GSAP: variants seen among roughly 807,000 people sequenced by gnomAD.
GSAP encodes gamma-secretase activating protein, also known as gamma-secretase-activating protein.
Under a neutral mutation model 131.7 loss-of-function variants are expected in GSAP, and 118 were observed. The observed-to-expected ratio is 0.90, with a 90% CI of 0.77 to 1.04. GSAP has a LOEUF of 1.04. GSAP is among the 50% of genes least tolerant of loss of function. The probability of loss-of-function intolerance (pLI) is 0.00; values close to 1 mark genes in which losing one functional copy is unlikely to be tolerated. For missense variants in GSAP, 1,019 were observed against 1,013.2 expected, an observed-to-expected ratio of 1.01 and a Z score of -0.08; for synonymous variants, 381 against 363.4, an observed-to-expected ratio of 1.05 and a Z score of -0.55.
At chr7:77,326,306 A>T in intron 22 of GSAP, 33 bp from the exon 23 acceptor site, 1 of 1,472,296 alleles carries the variant, frequency 6.8e-7, no homozygotes, top group Non-Finnish European at 9.5e-7. Flanking sequence ...TTAGGCTCTG[A>T]GCAGTTTTCA....
chr7:77,351,066 C>T lies in GSAP; in HGVS notation c.1492-1662G>A, dbSNP rs553932058. On this transcript the variant is annotated intron_variant, in intron 18 of 30. Transcript: ENST00000257626. ...GATATTTGTCTATAATTTAAATGAC[C>T]GAGATTTTACTGATATAGAATATTC... 3.3e-5 allele frequency: 30 copies of T among 920,300 alleles called. No individual in the cohort carries two copies. In the South Asian group the frequency reaches 1.1e-3, roughly 33 times the overall value. 57.0% of individuals were successfully genotyped at this position (920,300 alleles called of 1,614,324 possible).
chr7:77,401,587 A>C (rs950378732), intron 3 of GSAP, among the ~76,000 whole-genome samples: 1 of 152,220 alleles, frequency 6.6e-6, no homozygotes, highest in Non-Finnish European at 1.5e-5. Flanking sequence ...CCCTAAAAAA[A>C]ATGGTTAAAA....
chr7:77,362,479 C>T (rs1794674375), intron 13 of GSAP, 104 bp downstream of exon 13: 1 of 650,612 alleles, frequency 1.5e-6, no homozygotes, highest in Non-Finnish European at 2.8e-6. Context: ...AAAGGGAGAC[C>T]CTGTCTCCAA....
chr7:77,316,093 T>C (rs968193344), intron 26 of GSAP: 26 of 152,310 alleles, frequency 1.7e-4, no homozygotes, highest in Middle Eastern at 3.4e-3. Flanking sequence ...AGATTTACCA[T>C]TGGGATATTA....
chr7:77,359,555 A>G (rs1794251109), intron 14 of GSAP, among the ~76,000 whole-genome samples: 1 of 152,244 alleles, frequency 6.6e-6, no homozygotes, highest in Non-Finnish European at 1.5e-5. Context: ...TATATTACTC[A>G]AAACAATATT....
chr7:77,326,823 A>G (rs1788385609), intron 22 of GSAP: 1 of 152,358 alleles, frequency 6.6e-6, no homozygotes, highest in Admixed American at 6.5e-5. Context: ...CTTCTCCACC[A>G]TGATTTGCAA....
chr7:77,381,681 T>C (rs1797837073), intron 7 of GSAP, among the ~76,000 whole-genome samples: 1 of 152,168 alleles, frequency 6.6e-6, no homozygotes, highest in Admixed American at 6.5e-5. Context: ...CAGCGTTATA[T>C]AGGGCTAACA....
At chr7:77,364,675 T>A (rs182908441) in intron 12 of GSAP, among the ~76,000 whole-genome samples, 95 of 151,220 alleles carry the variant, frequency 6.3e-4, no homozygotes, top group Non-Finnish European at 1.3e-4. Context: ...AGTGTAATAA[T>A]AAAATAAAAT....
At chr7:77,409,473 T>C (rs1400470238) in intron 1 of GSAP, among the ~76,000 whole-genome samples, 1 of 152,214 alleles carries the variant, frequency 6.6e-6, no homozygotes, top group Non-Finnish European at 1.5e-5. Flanking sequence ...TGGCGTAGAC[T>C]GAACTCAAAC....
intron 1 of GSAP, among the ~76,000 whole-genome samples, chr7:77,410,586 G>A (rs1358789445): frequency 1.3e-5 from 2 of 152,132 alleles, no homozygotes; most frequent in Non-Finnish European, 2.9e-5. Context: ...TAAAAGAAAC[G>A]AGAGTACCTA....
chr7:77,390,560 C>G (rs61408788), intron 5 of GSAP, among the ~76,000 whole-genome samples: 4 of 151,986 alleles, frequency 2.6e-5, no homozygotes, highest in Admixed American at 6.6e-5. Flanking sequence ...CCCATTTCTT[C>G]TTTTTGTCAG....
At chr7:77,311,784 A>G (rs1794389239) in intron 30 of GSAP, 57 bp downstream of exon 30, 2 of 831,962 alleles carry the variant, frequency 2.4e-6, no homozygotes, top group African/African-American at 1.7e-5. Flanking sequence ...TGAATAGGGA[A>G]GGACTGATGT....
At chr7:77,344,682 T>G (rs1467101438) in intron 19 of GSAP, among the ~76,000 whole-genome samples, 1 of 152,176 alleles carries the variant, frequency 6.6e-6, no homozygotes, top group Non-Finnish European at 1.5e-5. Context: ...CCTTTTAGAG[T>G]GGATAGATGA....
intron 13 of GSAP, 113 bp from the exon 14 acceptor site, chr7:77,361,014 G>C: frequency 3.1e-6 from 2 of 654,864 alleles, no homozygotes; most frequent in South Asian, 1.7e-5. Context: ...CTGGTAAGCA[G>C]GCATCTTCAG....
At chr7:77,319,858 A>G (rs1202546415) in intron 26 of GSAP, among the ~76,000 whole-genome samples, 1 of 152,234 alleles carries the variant, frequency 6.6e-6, no homozygotes, top group Non-Finnish European at 1.5e-5. Flanking sequence ...AAGGTAGAAC[A>G]GTGCTTGCCA....
In GSAP at chr7:77,353,559, C is replaced by T; in HGVS notation, c.1408+13G>A. The T allele has an allele frequency of 6.3e-7, 1 of 1,586,550 alleles. No homozygotes were observed. The highest frequency in any genetic ancestry group is 8.6e-7 in the Non-Finnish European group (1 of 1,156,626). On this transcript the variant is annotated intron_variant, in intron 17 of 30. Transcript: ENST00000257626. ...AAGTATTCAACTTAAGCTGCAACAT[C>T]AGCAACACTTACCAATTATAAATTC... is the stretch of plus-strand genomic sequence containing the variant.
At position 77,320,775 on chromosome 7, in the gene GSAP, A is replaced by T. The variant is rs1419367421; in HGVS notation, c.2039T>A (p.Met680Lys). Reference protein sequence around the residue: ...SAAEFAVFHIMTRILEATNSL... With the variant: ...SAAEFAVFHIKTRILEATNSL... ...GTTTGTAGCTTCCAGAATCCTGGTC[A>T]TGATGTGAAAAACTGCAAATTCAGC... The change falls in exon 26 of 31, where the codon ATG (methionine) becomes AAG (lysine). Residue 680 changes from methionine to lysine, a missense_variant. Transcript: ENST00000257626. 3 of 1,612,876 alleles carry T rather than the reference A, an allele frequency of 1.9e-6. No homozygotes were observed. Among genetic ancestry groups the T allele is most frequent in the Non-Finnish European group, 8.5e-7 (1 of 1,178,932 alleles).
chr7:77,411,632 T>A (rs141736758), intron 1 of GSAP, among the ~76,000 whole-genome samples: 1 of 152,258 alleles, frequency 6.6e-6, no homozygotes, highest in South Asian at 2.1e-4. Context: ...AAATAAATAA[T>A]GAGCTGTATT....
At chr7:77,341,188 TG>T (rs1318896807) in intron 19 of GSAP, among the ~76,000 whole-genome samples, 1 of 152,152 alleles carries the variant, frequency 6.6e-6, no homozygotes, top group South Asian at 2.1e-4. Context: ...TTCTACACAT[TG>T]GTCCCTCCCT....
Sources: allele counts gnomAD v4.1 joint callset (sites outside exome capture counted in the v4.1 genomes callset), GRCh38; gene constraint gnomAD v4.1.1; transcripts MANE v1.5; gene names NCBI Gene and HGNC (gene_info 2026-07-23, HGNC 2026-07-21).